Variants in SDK1 observed in about 807,000 individuals in gnomAD.
The protein encoded by SDK1 is protein sidekick-1.
Under a neutral mutation model 245.5 loss-of-function variants are expected in SDK1, and 157 were observed. That is an observed-to-expected ratio of 0.64 (90% CI 0.56 to 0.73). The LOEUF is 0.73. SDK1 is among the 30% of genes least tolerant of loss of function. The pLI is 0.00. For missense variants in SDK1, 3,583 were observed against 3,002.3 expected, an observed-to-expected ratio of 1.19 and a Z score of -4.52; for synonymous variants, 1,647 against 1,278.5, an observed-to-expected ratio of 1.29 and a Z score of -6.15.
intron 5 of SDK1, among the ~76,000 whole-genome samples, chr7:3,878,305 G>A (rs189652977): frequency 6.6e-6 from 1 of 152,106 alleles, no homozygotes; most frequent in South Asian, 2.1e-4. Flanking sequence ...TGGATCACGA[G>A]GTCAGCAGAT....
chr7:3,410,984 T>C (rs1179068186), intron 1 of SDK1, among the ~76,000 whole-genome samples: 1 of 152,064 alleles, frequency 6.6e-6, no homozygotes, highest in Admixed American at 6.6e-5. Flanking sequence ...CAGGACAAAA[T>C]ACCTAACACA....
intron 4 of SDK1, among the ~76,000 whole-genome samples, chr7:3,719,977 TA>T (rs201406862): frequency 2.6e-3 from 368 of 140,810 alleles, no homozygotes; most frequent in Middle Eastern, 0.011. Flanking sequence ...CTCCATCTCT[TA>T]AAAAAAAAAA....
rs1300138112 is a variant in SDK1, at chr7:4,221,223, C to T, written c.5702-16C>T. 6.2e-7 allele frequency: 1 copy of T among 1,612,422 alleles called. No individual in the cohort carries two copies. The highest frequency in any genetic ancestry group is 2.2e-5 in the East Asian group (1 of 44,864). On this transcript the variant is annotated splice_polypyrimidine_tract_variant and intron_variant, in intron 39 of 44. Transcript: ENST00000404826. ...AGGGCTGATGCCTCACCTCTCTTTT[C>T]TTCTTTATCCCGCAGGATCCCCGGG...
chr7:4,149,920 G>T (rs752868796), intron 30 of SDK1, among the ~76,000 whole-genome samples: 16 of 152,168 alleles, frequency 1.1e-4, no homozygotes, highest in Non-Finnish European at 1.6e-4. Flanking sequence ...CACGAGTACT[G>T]TGCTTCCTTA....
chr7:3,604,900 C>G (rs1397404311), intron 1 of SDK1, among the ~76,000 whole-genome samples: 1 of 151,966 alleles, frequency 6.6e-6, no homozygotes, highest in Non-Finnish European at 1.5e-5. Flanking sequence ...CGGTGTCCAG[C>G]CCCAAACATT....
At chr7:3,473,187 A>G (rs548663738) in intron 1 of SDK1, among the ~76,000 whole-genome samples, 1 of 152,220 alleles carries the variant, frequency 6.6e-6, no homozygotes, top group Non-Finnish European at 1.5e-5. Flanking sequence ...AAACCAGTGA[A>G]CTAATTTACA....
chr7:4,132,394 C>A lies in SDK1; in HGVS notation c.4199C>A (p.Pro1400His). The A allele has an allele frequency of 6.2e-7, 1 of 1,612,602 alleles. No individual in the cohort carries two copies. Among genetic ancestry groups the A allele is most frequent in the Non-Finnish European group, 8.5e-7 (1 of 1,179,228 alleles). The change falls in exon 28 of 45, where the codon CCT (proline) becomes CAT (histidine). Residue 1400 changes from proline (P) to histidine (H), a missense_variant. Transcript: ENST00000404826. The part of the protein sequence containing the change: ...RLTSVRIVWQ[P>H]PEEPNGIILG... The stretch of plus-strand genomic sequence containing the variant: ...ACCTCCGTGCGGATAGTGTGGCAAC[C>A]TCCGGAGGAGCCCAACGGCATCATC...
chr7:3,896,544 A>G (rs1781611077), intron 5 of SDK1, among the ~76,000 whole-genome samples: 1 of 152,168 alleles, frequency 6.6e-6, no homozygotes, highest in Non-Finnish European at 1.5e-5. Context: ...CGCAGACTCT[A>G]AACTCTGGCT....
intron 1 of SDK1, among the ~76,000 whole-genome samples, chr7:3,319,990 T>G (rs1322566059): frequency 1.3e-5 from 2 of 151,378 alleles, no homozygotes; most frequent in African/African-American, 4.9e-5. Context: ...AATTTCACCT[T>G]GCCAAATAGA....
chr7:3,568,533 C>T (rs1277256330), intron 1 of SDK1, among the ~76,000 whole-genome samples: 1 of 152,158 alleles, frequency 6.6e-6, no homozygotes, highest in Non-Finnish European at 1.5e-5. Flanking sequence ...GAATTCCCTC[C>T]TTCCCCCTTG....
At chr7:4,214,886 A>G (rs1020748614) in intron 38 of SDK1, among the ~76,000 whole-genome samples, 1 of 152,186 alleles carries the variant, frequency 6.6e-6, no homozygotes, top group Non-Finnish European at 1.5e-5. Context: ...AGGCACCATC[A>G]TCCGTGGTCC....
In SDK1 at chr7:3,677,256, GA is replaced by G. The variant is rs570350810; in HGVS notation, c.713+35152del. Among the ~76,000 whole-genome samples, 859 of 152,116 alleles carry G rather than the reference GA, an allele frequency of 5.6e-3. 6 individuals are homozygous for G. The highest frequency in any genetic ancestry group is 0.02 in the African/African-American group (832 of 41,498). On this transcript the variant is annotated intron_variant, in intron 4 of 44. Transcript: ENST00000404826. The stretch of plus-strand genomic sequence containing the variant: ...TGTACACTATTTTTATTTAACATAC[GA>G]TAAGCATCTTTGGCCCTGGATTCTT...
In SDK1 at chr7:3,780,160, A is replaced by G. The variant is rs77512575; in HGVS notation, c.714-41290A>G. Among the ~76,000 whole-genome samples the G allele has an allele frequency of 2.3e-3, 348 of 152,330 alleles. 7 individuals carry two copies. The East Asian group carries it at 0.046, about 20-fold the overall frequency. ...TGAAATCTGAATTAGGAGAGTGAGA[A>G]GAATGGTCTCACTCTGACCACACTG... On this transcript the variant is annotated intron_variant, in intron 4 of 44. Transcript: ENST00000404826.
chr7:3,558,160 A>G (rs373192189), intron 1 of SDK1, among the ~76,000 whole-genome samples: 1 of 152,232 alleles, frequency 6.6e-6, no homozygotes, highest in Non-Finnish European at 1.5e-5. Context: ...TTTAGCTTAC[A>G]GAAATGACAA....
chr7:3,463,753 G>T (rs953832811), intron 1 of SDK1, among the ~76,000 whole-genome samples: 1 of 152,138 alleles, frequency 6.6e-6, no homozygotes, highest in African/African-American at 2.4e-5. Flanking sequence ...CTTGAATGCT[G>T]GTCTCTCCAT....
intron 5 of SDK1, among the ~76,000 whole-genome samples, chr7:3,879,103 T>C (rs1268866043): frequency 6.6e-6 from 1 of 152,184 alleles, no homozygotes; most frequent in African/African-American, 2.4e-5. Context: ...ATTATACTTC[T>C]CTGGGGGACA....
At chr7:4,041,064 T>C (rs1487178699) in intron 17 of SDK1, among the ~76,000 whole-genome samples, 2 of 152,198 alleles carry the variant, frequency 1.3e-5, no homozygotes, top group African/African-American at 4.8e-5. Context: ...ATAATTTCTT[T>C]CTAGCTCCTG....
chr7:3,796,738 T>A (rs1778970359), intron 4 of SDK1, among the ~76,000 whole-genome samples: 1 of 152,258 alleles, frequency 6.6e-6, no homozygotes, highest in African/African-American at 2.4e-5. Flanking sequence ...TGAGTATTTT[T>A]CAAATATGCA....
chr7:3,336,627 A>G (rs1224583315), intron 1 of SDK1, among the ~76,000 whole-genome samples: 1 of 152,056 alleles, frequency 6.6e-6, no homozygotes, highest in Non-Finnish European at 1.5e-5. Context: ...CTTTGGTATA[A>G]ATAGGGCCCC....
Sources: allele counts gnomAD v4.1 joint callset (sites outside exome capture counted in the v4.1 genomes callset), GRCh38; gene constraint gnomAD v4.1.1; transcripts MANE v1.5; gene names NCBI Gene and HGNC (gene_info 2026-07-23, HGNC 2026-07-21).